Variants in NPAS3 observed in about 807,000 individuals in gnomAD.
NPAS3 encodes neuronal PAS domain-containing protein 3.
Under a neutral mutation model 73.1 loss-of-function variants are expected in NPAS3, and 14 were observed. The ratio of observed to expected loss-of-function variants is 0.19; its 90% CI spans 0.13 to 0.30. The LOEUF is 0.30. NPAS3 is among the 10% of genes least tolerant of loss of function. The pLI, the probability that NPAS3 is intolerant of heterozygous loss-of-function variation, is 1.00. For synonymous variants in NPAS3, 620 were observed against 541.5 expected (o/e 1.14, Z -2.01); for missense variants, 1,096 against 1,250.0 (o/e 0.88, Z 1.86).
intron 5 of NPAS3, among the ~76,000 whole-genome samples, chr14:33,577,805 T>G (rs11848645): frequency 0.56 from 85,858 of 152,176 alleles, 25,751 homozygotes; most frequent in African/African-American, 0.76. Context: ...AATTAAAACA[T>G]TGTTGGCCAA....
Position 33,089,051 on chromosome 14 carries a change from A to G in NPAS3, c.140+33057A>G, listed in dbSNP as rs551961657. 1.5e-3 allele frequency among the ~76,000 whole-genome samples: 92 copies of G among 63,106 alleles called. 1 individual carries two copies. The highest frequency in any genetic ancestry group is 0.014 in the Middle Eastern group (2 of 138). The allele number at this position is 63,106 out of a possible 152,430, so 41.4% of individuals were successfully genotyped here. On this transcript the variant is annotated intron_variant, in intron 2 of 11. Transcript: ENST00000356141. Reference sequence around the variant, plus strand: ...AGTCACCATCATCAAGATGAGGAAGAAACAGAGCAGAAAAGCTGAAAATTC... The same window carrying G: ...AGTCACCATCATCAAGATGAGGAAGGAACAGAGCAGAAAAGCTGAAAATTC...
At chr14:33,599,457 A>G (rs1595245436) in intron 5 of NPAS3, among the ~76,000 whole-genome samples, 1 of 152,220 alleles carries the variant, frequency 6.6e-6, no homozygotes, top group East Asian at 1.9e-4. Context: ...AGGCATATAA[A>G]CTAATGATCT....
At chr14:33,251,877 C>T (rs1252076703) in intron 3 of NPAS3, among the ~76,000 whole-genome samples, 1 of 152,036 alleles carries the variant, frequency 6.6e-6, no homozygotes, top group Non-Finnish European at 1.5e-5. Context: ...TTTTCCTCTG[C>T]TTTCTCTTTT....
chr14:33,232,450 A>G (rs2047886593), intron 3 of NPAS3, among the ~76,000 whole-genome samples: 2 of 152,202 alleles, frequency 1.3e-5, no homozygotes, highest in Admixed American at 6.5e-5. Context: ...TTGACATTCT[A>G]CTGTGGAACA....
At chr14:33,512,273 CT>C (rs34758120) in intron 4 of NPAS3, among the ~76,000 whole-genome samples, 1,833 of 151,248 alleles carry the variant, frequency 0.012, 33 homozygotes, top group African/African-American at 0.042. Flanking sequence ...TGTAGAACAT[CT>C]TTTTTTTTCG....
At chr14:33,052,568 G>A (rs536153867) in intron 1 of NPAS3, among the ~76,000 whole-genome samples, 4 of 152,280 alleles carry the variant, frequency 2.6e-5, no homozygotes, top group South Asian at 4.1e-4. Flanking sequence ...CTTTAAAAAC[G>A]TTGCAAAATA....
Position 33,550,889 on chromosome 14 carries a change from G to T in NPAS3, c.469-9232G>T, listed in dbSNP as rs558367605. On this transcript the variant is annotated intron_variant, in intron 4 of 11. Coordinates refer to ENST00000356141, the Ensembl canonical transcript of NPAS3. ...GTAAAGTGAAGGACCCAGAAGAGGTGCAGTTACTCACAAAAAATTTTAAAA... is the reference window on the plus strand; with the variant it reads ...GTAAAGTGAAGGACCCAGAAGAGGTTCAGTTACTCACAAAAAATTTTAAAA... Among the ~76,000 whole-genome samples, 18 of 152,292 alleles carry T rather than the reference G, an allele frequency of 1.2e-4. 1 individual carries two copies. In the South Asian group the frequency reaches 2.9e-3, roughly 25 times the overall value.
At chr14:33,000,347 T>G (rs1013529785) in intron 1 of NPAS3, among the ~76,000 whole-genome samples, 1 of 152,178 alleles carries the variant, frequency 6.6e-6, no homozygotes, top group Non-Finnish European at 1.5e-5. Context: ...TGTGGCAGGT[T>G]GTTTAGCCAC....
At chr14:33,726,374 C>T (rs940004978) in intron 6 of NPAS3, among the ~76,000 whole-genome samples, 15 of 152,148 alleles carry the variant, frequency 9.9e-5, no homozygotes, top group Non-Finnish European at 2.1e-4. Flanking sequence ...CAAAAGATAA[C>T]TTCTCTAGAA....
chr14:32,941,207 CCCCTT>C (rs1353858079), intron 1 of NPAS3, among the ~76,000 whole-genome samples: 2 of 69,830 alleles, frequency 2.9e-5, no homozygotes, highest in African/African-American at 6.1e-5. Flanking sequence ...CCCCTCCCCT[CCCCTT>C]CCCTCCTCCC....
chr14:33,036,998 A>G (rs1450006048), intron 1 of NPAS3, among the ~76,000 whole-genome samples: 1 of 152,120 alleles, frequency 6.6e-6, no homozygotes, highest in Non-Finnish European at 1.5e-5. Context: ...TCATCCTCTT[A>G]TTAGTTTTGT....
At chr14:33,119,752 C>G (rs761240629) in intron 2 of NPAS3, among the ~76,000 whole-genome samples, 5 of 152,100 alleles carry the variant, frequency 3.3e-5, no homozygotes, top group Non-Finnish European at 7.4e-5. Context: ...ATCTATTGTT[C>G]ACGCCCTACT....
intron 5 of NPAS3, among the ~76,000 whole-genome samples, chr14:33,631,931 G>T (rs2058388316): frequency 6.6e-6 from 1 of 152,188 alleles, no homozygotes; most frequent in South Asian, 2.1e-4. Context: ...TGCATGTGTT[G>T]CATGAAAAAG....
intron 3 of NPAS3, among the ~76,000 whole-genome samples, chr14:33,230,561 A>G (rs763534369): frequency 1.3e-5 from 2 of 152,222 alleles, no homozygotes; most frequent in Non-Finnish European, 2.9e-5. Context: ...TCTACTCTAG[A>G]TTATTAAAAT....
At chr14:33,380,695 A>G (rs1653465265) in intron 4 of NPAS3, among the ~76,000 whole-genome samples, 2 of 152,194 alleles carry the variant, frequency 1.3e-5, no homozygotes, top group South Asian at 4.1e-4. Context: ...TAGTGAAATT[A>G]TTATAAAATT....
At chr14:33,285,024 G>A (rs919340499) in intron 3 of NPAS3, among the ~76,000 whole-genome samples, 2 of 152,152 alleles carry the variant, frequency 1.3e-5, no homozygotes, top group Non-Finnish European at 2.9e-5. Flanking sequence ...TTCCTAAGTG[G>A]CTCTCATGCA....
intron 3 of NPAS3, among the ~76,000 whole-genome samples, chr14:33,310,343 T>G (rs1484679243): frequency 6.6e-6 from 1 of 152,050 alleles, no homozygotes; most frequent in Admixed American, 6.6e-5. Context: ...CTGTTTATCC[T>G]TGGTGCCAAT....
At chr14:33,412,170 A>G (rs1365244119) in intron 4 of NPAS3, among the ~76,000 whole-genome samples, 2 of 152,060 alleles carry the variant, frequency 1.3e-5, no homozygotes, top group Non-Finnish European at 1.5e-5. Flanking sequence ...CCAGGCTGGA[A>G]TGCAGTGACA....
chr14:33,388,183 G>T (rs1315146191), intron 4 of NPAS3, among the ~76,000 whole-genome samples: 1 of 152,190 alleles, frequency 6.6e-6, no homozygotes, highest in African/African-American at 2.4e-5. Context: ...CAGTGAAGGA[G>T]CTGTAGAAAA....
Sources: gnomAD v4.1 joint callset for allele counts (sites outside exome capture counted in the v4.1 genomes callset) on GRCh38, gnomAD v4.1.1 for gene constraint, MANE v1.5 for transcripts, NCBI Gene and HGNC (gene_info 2026-07-23, HGNC 2026-07-21) for gene names.